The following CR1 variants were observed in gnomAD, a reference collection of about 807,000 sequenced individuals.
CR1 encodes the protein complement receptor type 1.
In CR1, 116 loss-of-function variants were observed where a neutral mutation model predicts 187.3. That is an observed-to-expected ratio of 0.62 (90% confidence interval 0.53 to 0.72). The LOEUF (loss-of-function observed/expected upper bound fraction) is 0.72. Among genes scored for constraint, CR1 ranks in the 30% least tolerant of loss-of-function variants. The pLI is 0.00. For synonymous variants in CR1, 576 were observed against 747.1 expected (o/e 0.77, Z 3.73); for missense variants, 1,731 against 2,110.7 (o/e 0.82, Z 3.52).
chr1:207,624,414 G>C (rs1241011773), intron 45 of CR1, among the ~76,000 whole-genome samples: 1 of 152,086 alleles, frequency 6.6e-6, no homozygotes, highest in Non-Finnish European at 1.5e-5. Context: ...TATACCCATA[G>C]AAAAACTGAA....
intron 29 of CR1, among the ~76,000 whole-genome samples, chr1:207,579,678 C>T (rs1226524511): frequency 1.3e-5 from 2 of 152,194 alleles, no homozygotes; most frequent in Non-Finnish European, 1.5e-5. Context: ...AATGGGTTTA[C>T]AGCAGTATAA....
Position 207,580,356 on chromosome 1 carries a change from G to T in CR1, c.5053G>T (p.Ala1685Ser), listed in dbSNP as rs1189542902. Residue 1685 changes from alanine (A) to serine (S), a missense_variant, in exon 30 of 47, where the codon GCT (alanine) becomes TCT (serine). Physicochemically the swap from Ala to Ser is moderately conservative, Grantham distance 99 (BLOSUM62 1). Coordinates refer to ENST00000367049, the MANE Select transcript of CR1 (RefSeq NM_000651.6). ...SCEPGYDLRG[A>S]ASLHCTPQGD... ...TGAGCCTGGCTATGACCTCAGAGGG[G>T]CTGCGTCTCTGCACTGCACACCCCA... The T allele has an allele frequency of 1.9e-6, 3 of 1,613,844 alleles. No homozygotes were observed. Among genetic ancestry groups the T allele is most frequent in the Non-Finnish European group, 2.5e-6 (3 of 1,179,876 alleles).
At chr1:207,625,436 G>T (rs531774385) in intron 45 of CR1, among the ~76,000 whole-genome samples, 1 of 152,182 alleles carries the variant, frequency 6.6e-6, no homozygotes, top group African/African-American at 2.4e-5. Context: ...ATCCAGGAAA[G>T]TTTTTAAACA....
intron 4 of CR1, among the ~76,000 whole-genome samples, chr1:207,514,639 C>T (rs1558219991): frequency 6.6e-6 from 1 of 152,150 alleles, no homozygotes; most frequent in Non-Finnish European, 1.5e-5. Context: ...TTTGTTATAG[C>T]AGCCCAAATA....
chr1:207,634,367 T>C (rs1391093062), intron 46 of CR1, among the ~76,000 whole-genome samples: 1 of 152,226 alleles, frequency 6.6e-6, no homozygotes, highest in African/African-American at 2.4e-5. Flanking sequence ...TTGACCACAG[T>C]GTTCCATGGG....
chr1:207,641,660 T>TG lies in CR1; in HGVS notation c.*2251_*2252insG, dbSNP rs1662989543. On this transcript the variant is annotated 3_prime_UTR_variant, in exon 47 of 47. Transcript: ENST00000367049. ...AACATTCTTTGTTTTGTTTGCTTTT[T>TG]TGGCACACTTAAGTGTGTACTATGA... 1.3e-5 allele frequency: 2 copies of TG among 152,230 alleles called. No individual in the cohort carries two copies. Among genetic ancestry groups the TG allele is most frequent in the Non-Finnish European group, 1.5e-5 (1 of 68,036 alleles). 9.4% of individuals were successfully genotyped at this position (152,230 alleles called of 1,614,324 possible).
At position 207,523,643 on chromosome 1, in the gene CR1, A is replaced by G. The variant is rs1168357896; in HGVS notation, c.520A>G (p.Asn174Asp). The G allele has an allele frequency of 6.2e-7, 1 of 1,613,878 alleles. No homozygotes were observed. ...IPCGLPPTITNGDFISTNREN... is the reference protein window; with the variant it reads ...IPCGLPPTITDGDFISTNREN... ...TTGTGGGCTACCCCCCACCATCACC[A>G]ATGGAGATTTCATTAGCACCAACAG... The change falls in exon 5 of 47, where the codon AAT (asparagine) becomes GAT (aspartate). Residue 174 changes from asparagine (N) to aspartate (D), a missense_variant. By Grantham distance (23) the Asn-to-Asp change is conservative. Around this residue, in one of 5 missense-constraint regions of CR1, gnomAD observed 237 missense variants for 240.4 expected, o/e 0.99. Transcript: ENST00000367049.
Position 207,578,228 on chromosome 1 carries a change from G to T in CR1, c.4936+25G>T, listed in dbSNP as rs757624356. 8 of 1,611,672 alleles carry T rather than the reference G, an allele frequency of 5.0e-6. No homozygotes were observed. The Admixed American group carries it at 1.3e-4, about 27-fold the overall frequency. On this transcript the variant is annotated intron_variant, in intron 29 of 46. Transcript: ENST00000367049. ...GGTGAGTCTGACTGATGCCTAGAAGGGCCCTGCCAGTGACATGTGTTGCTG... is the reference window on the plus strand; with the variant it reads ...GGTGAGTCTGACTGATGCCTAGAAGTGCCCTGCCAGTGACATGTGTTGCTG...
At chr1:207,633,655 A>G (rs1277868697) in intron 46 of CR1, among the ~76,000 whole-genome samples, 1 of 152,236 alleles carries the variant, frequency 6.6e-6, no homozygotes, top group Non-Finnish European at 1.5e-5. Flanking sequence ...TCTGATGAAT[A>G]GAGACAATTT....
rs183924386 is a variant in CR1 at position 207,610,257 on chromosome 1, T to C, written c.6295+569T>C. 7.2e-4 allele frequency among the ~76,000 whole-genome samples: 110 copies of C among 152,248 alleles called. 1 individual carries two copies. The highest frequency in any genetic ancestry group is 4.9e-3 in the Admixed American group (75 of 15,284). On this transcript the variant is annotated intron_variant, in intron 37 of 46. Coordinates refer to ENST00000367049, the MANE Select transcript of CR1 (RefSeq NM_000651.6). The stretch of plus-strand genomic sequence containing the variant: ...ATATATGTATATACACACACACACA[T>C]ATATACTTGATATATAATTATATAT...
intron 35 of CR1, among the ~76,000 whole-genome samples, chr1:207,591,419 T>C (rs921610411): frequency 7.9e-5 from 12 of 152,106 alleles, no homozygotes; most frequent in Admixed American, 3.9e-4. Context: ...AAAGACACAA[T>C]GTACCAGAAT....
rs796900962 is a variant in CR1 at position 207,504,109 on chromosome 1, A to T, written c.122-1795A>T. On this transcript the variant is annotated intron_variant, in intron 1 of 46. Transcript: ENST00000367049. ...AAGGCATTAAATTTGTGGGCGGAAG[A>T]GGTGAACAGAAATGTGTTCTAATTG... 1.9e-4 allele frequency among the ~76,000 whole-genome samples: 29 copies of T among 152,326 alleles called. 1 individual carries two copies. The highest frequency in any genetic ancestry group is 7.0e-4 in the African/African-American group (29 of 41,566).
intron 24 of CR1, among the ~76,000 whole-genome samples, chr1:207,566,711 G>T (rs1180057736): frequency 6.7e-6 from 1 of 149,960 alleles, no homozygotes; most frequent in East Asian, 1.9e-4. Flanking sequence ...TTTAAAATGA[G>T]CCTCATATGT....
At chr1:207,595,342 A>C (rs1327567458) in intron 35 of CR1, among the ~76,000 whole-genome samples, 71 of 152,216 alleles carry the variant, frequency 4.7e-4, no homozygotes, top group Non-Finnish European at 1.0e-4. Context: ...AATGGAAGAC[A>C]ATTTCTCAGG....
intron 1 of CR1, among the ~76,000 whole-genome samples, chr1:207,503,333 T>C (rs1236758277): frequency 6.6e-6 from 1 of 152,242 alleles, no homozygotes; most frequent in Non-Finnish European, 1.5e-5. Flanking sequence ...ATTCTCTTTT[T>C]GTATTAATTT....
intron 45 of CR1, among the ~76,000 whole-genome samples, chr1:207,624,035 C>T (rs1308053261): frequency 1.3e-5 from 2 of 149,100 alleles, no homozygotes; most frequent in Non-Finnish European, 3.0e-5. Flanking sequence ...AAGCGATTCT[C>T]ATGCCTCAGC....
chr1:207,579,365 T>C (rs572348801), intron 29 of CR1, among the ~76,000 whole-genome samples: 1 of 152,076 alleles, frequency 6.6e-6, no homozygotes, highest in African/African-American at 2.4e-5. Context: ...GCTGGGAAGA[T>C]GAACAGATAA....
Position 207,584,581 on chromosome 1 carries a change from C to G in CR1, c.5303-68C>G. 4 of 1,548,574 alleles carry G rather than the reference C, an allele frequency of 2.6e-6. No individual in the cohort carries two copies. In the Admixed American group the frequency reaches 7.2e-5, roughly 28 times the overall value. On this transcript the variant is annotated intron_variant, in intron 32 of 46. Transcript: ENST00000367049. ...TGGCAACACAGTCACAGTATGACAA[C>G]TGTAGAATCACCTTGGATTATACTT... is the stretch of plus-strand genomic sequence containing the variant.
intron 25 of CR1, 99 bp downstream of exon 25, chr1:207,568,141 G>A: frequency 1.2e-6 from 2 of 1,600,612 alleles, no homozygotes; most frequent in East Asian, 2.2e-5. Flanking sequence ...TTGTATGTAT[G>A]CATTTGCCAC....
Sources: allele counts gnomAD v4.1 joint callset (sites outside exome capture counted in the v4.1 genomes callset), GRCh38; gene constraint gnomAD v4.1.1; regional missense constraint gnomAD v4.1.1; transcripts MANE v1.5; gene names NCBI Gene and HGNC (gene_info 2026-07-23, HGNC 2026-07-21).